WDR75: variants seen among roughly 807,000 people sequenced by gnomAD.
The protein encoded by WDR75 is WD repeat-containing protein 75.
In WDR75, 52 loss-of-function variants were observed where a neutral mutation model predicts 106.1. The observed-to-expected ratio is 0.49, with a 90% CI of 0.39 to 0.62. WDR75 has a LOEUF of 0.62. Ranked by LOEUF, WDR75 falls within the 20% of genes least tolerant of loss-of-function variation. The pLI is 0.00. For synonymous variants in WDR75, 333 were observed against 335.5 expected (o/e 0.99, Z 0.08); for missense variants, 905 against 970.3 (o/e 0.93, Z 0.89).
chr2:189,472,413 A>G (rs889734613), intron 18 of WDR75, among the ~76,000 whole-genome samples: 2 of 152,160 alleles, frequency 1.3e-5, no homozygotes, highest in Non-Finnish European at 2.9e-5. Context: ...TTCTTTCTCT[A>G]TTCTTTTTCT....
chr2:189,448,153 T>A (rs10205215), intron 1 of WDR75, among the ~76,000 whole-genome samples: 5,352 of 152,238 alleles, frequency 0.035, 109 homozygotes, highest in Admixed American at 0.05. Context: ...TTCTTTCCTT[T>A]ATAAATTTGA....
chr2:189,445,577 T>A (rs1282013724), intron 1 of WDR75, among the ~76,000 whole-genome samples: 2 of 152,186 alleles, frequency 1.3e-5, no homozygotes, highest in Non-Finnish European at 2.9e-5. Flanking sequence ...ATATGACAAC[T>A]AAGGTGGTAT....
At chr2:189,447,865 T>C in intron 1 of WDR75, among the ~76,000 whole-genome samples, 1 of 152,212 alleles carries the variant, frequency 6.6e-6, no homozygotes, top group Admixed American at 6.5e-5. Context: ...GTATGTGATA[T>C]GGTTTGGCTG....
chr2:189,469,539 T>C (rs1408234812), intron 16 of WDR75, 100 bp downstream of exon 16: 1 of 970,072 alleles, frequency 1.0e-6, no homozygotes, highest in Non-Finnish European at 1.6e-6. Context: ...AGATGTTAAT[T>C]GGAAGCCATT....
rs1687023571 is a variant in WDR75 at position 189,467,318 on chromosome 2, C to CTG, written c.1448-148_1448-147dup. 9.9e-6 allele frequency: 6 copies of CTG among 604,454 alleles called. No individual in the cohort carries two copies. In the South Asian group the frequency reaches 1.9e-4, roughly 19 times the overall value. The allele number at this position is 604,454 out of a possible 1,614,324, so 37.4% of individuals were successfully genotyped here. A position where few individuals can be genotyped will look rare whatever the true frequency, so the allele number is the denominator to read the frequency against. On this transcript the variant is annotated intron_variant, in intron 13 of 20. Transcript: ENST00000314761. Reference sequence around the variant, plus strand: ...CTCTCTTTCAAAATATCTTTTTGTACTGTACACAGCTATTTTCAGACCTCA... The same window carrying CTG: ...CTCTCTTTCAAAATATCTTTTTGTACTGTGTACACAGCTATTTTCAGACCTCA...
Position 189,463,712 on chromosome 2 carries a change from G to A in WDR75, c.956G>A (p.Arg319Gln), listed in dbSNP as rs144965982. The stretch of plus-strand genomic sequence containing the variant: ...CCCACAGAGATAATAATTATTCACC[G>A]AAACCTTGAAGCATCCGCAGTAATT... ...HSDNKIIIIH[R>Q]NLEASAVIQG... Residue 319 changes from arginine to glutamine, a missense_variant, in exon 10 of 21, where the codon CGA (arginine) becomes CAA (glutamine). Arg to Gln is a conservative substitution (Grantham distance 43, BLOSUM62 1). Transcript: ENST00000314761. 4.8e-5 allele frequency: 77 copies of A among 1,613,402 alleles called. No individual in the cohort carries two copies. The highest frequency in any genetic ancestry group is 5.6e-5 in the Non-Finnish European group (66 of 1,179,724).
intron 8 of WDR75, 54 bp downstream of exon 8, chr2:189,459,478 T>C: frequency 6.8e-7 from 1 of 1,473,774 alleles, no homozygotes; most frequent in Non-Finnish European, 9.4e-7. Flanking sequence ...ATTCAAGTGT[T>C]TTAATTCACT....
At position 189,449,498 on chromosome 2, in the gene WDR75, A is replaced by G. The variant is rs902936809; in HGVS notation, c.216+990A>G. 8 of 1,099,342 alleles carry G rather than the reference A, an allele frequency of 7.3e-6. No individual in the cohort carries two copies. The Admixed American group carries it at 1.7e-4, about 23-fold the overall frequency. 68.1% of individuals were successfully genotyped at this position (1,099,342 alleles called of 1,614,324 possible). ...TAATAGCAAAACTATTATTTTGTTA[A>G]AATTGAAATTTGTGAAGTCCATATA... On this transcript the variant is annotated intron_variant, in intron 2 of 20. Transcript: ENST00000314761.
chr2:189,445,776 T>A (rs1437846066), intron 1 of WDR75, among the ~76,000 whole-genome samples: 1 of 152,226 alleles, frequency 6.6e-6, no homozygotes, highest in Non-Finnish European at 1.5e-5. Context: ...GTAATTCTTC[T>A]GTAAATCTAA....
chr2:189,452,438 T>C (rs1005188671), intron 4 of WDR75, among the ~76,000 whole-genome samples: 1 of 151,954 alleles, frequency 6.6e-6, no homozygotes, highest in Non-Finnish European at 1.5e-5. Context: ...GGCAGGCACC[T>C]GTAGTCCCAG....
At chr2:189,472,991 G>A (rs771081742) in intron 18 of WDR75, among the ~76,000 whole-genome samples, 2 of 152,194 alleles carry the variant, frequency 1.3e-5, no homozygotes, top group Non-Finnish European at 2.9e-5. Context: ...GCCAAGGCAG[G>A]TAGATCACTT....
In WDR75 at chr2:189,467,581, G is replaced by C; in HGVS notation, c.1561G>C (p.Val521Leu). The change falls in exon 14 of 21, where the codon GTC (valine) becomes CTC (leucine). Residue 521 changes from valine to leucine, a missense_variant. By Grantham distance (32) the Val-to-Leu change is conservative (BLOSUM62 1). Coordinates refer to ENST00000314761, the MANE Select transcript of WDR75 (RefSeq NM_032168.3). ...ACTAGCAGTTAGTTTTGAGGAAATAGTCACAATATGGGATTCTGTAACATG... is the reference window on the plus strand; with the variant it reads ...ACTAGCAGTTAGTTTTGAGGAAATACTCACAATATGGGATTCTGTAACATG... The part of the protein sequence containing the change: ...SLLAVSFEEI[V>L]TIWDSVTWEL... 6.2e-7 allele frequency: 1 copy of C among 1,611,782 alleles called. No individual in the cohort carries two copies. The highest frequency in any genetic ancestry group is 8.5e-7 in the Non-Finnish European group (1 of 1,178,796).
At chr2:189,465,301 C>A in intron 12 of WDR75, 47 bp downstream of exon 12, 1 of 1,513,336 alleles carries the variant, frequency 6.6e-7, no homozygotes, top group Non-Finnish European at 8.9e-7. Context: ...TAAAATATTT[C>A]ACTTCCCATT....
chr2:189,471,548 T>C (rs1434218047), intron 18 of WDR75, among the ~76,000 whole-genome samples: 1 of 152,232 alleles, frequency 6.6e-6, no homozygotes, highest in Non-Finnish European at 1.5e-5. Context: ...TAGTTTTCTA[T>C]TCTCATGTAA....
chr2:189,466,295 T>C (rs879222100), intron 12 of WDR75, 130 bp from the exon 13 acceptor site: 4 of 1,004,670 alleles, frequency 4.0e-6, no homozygotes, highest in Admixed American at 4.5e-5. Context: ...CTCAATTGTT[T>C]GTCATTCTAC....
Position 189,455,376 on chromosome 2 carries a change from G to GC in WDR75, c.432dup (p.Lys145GlnfsTer55). On this transcript the variant is annotated frameshift_variant, in exon 5 of 21. Coordinates refer to ENST00000314761, the MANE Select transcript of WDR75 (RefSeq NM_032168.3). LOFTEE classifies it high-confidence loss of function. ...AAAATCCTCAAGCCAGGAAGTAGAAGCCAAGGAGCTGTCCTTTGTTTTGGA... is the reference window on the plus strand; with the variant it reads ...AAAATCCTCAAGCCAGGAAGTAGAAGCCCAAGGAGCTGTCCTTTGTTTTGGA... 3 of 1,614,158 alleles carry GC rather than the reference G, an allele frequency of 1.9e-6. No individual in the cohort carries two copies. The highest frequency in any genetic ancestry group is 2.5e-6 in the Non-Finnish European group (3 of 1,179,986).
chr2:189,461,384 T>C (rs6755665), intron 8 of WDR75, among the ~76,000 whole-genome samples: 9,840 of 152,246 alleles, frequency 0.065, 482 homozygotes, highest in African/African-American at 0.14. Flanking sequence ...GTTGCTATAT[T>C]TGAGGAGAAT....
Position 189,474,322 on chromosome 2 carries a change from C to T in WDR75, c.2186C>T (p.Ala729Val), listed in dbSNP as rs142416149. 595 of 1,607,842 alleles carry T rather than the reference C, an allele frequency of 3.7e-4. No individual in the cohort carries two copies. The highest frequency in any genetic ancestry group is 5.0e-4 in the Middle Eastern group (3 of 6,020). Reference protein sequence around the residue: ...VQLPLTENIPAISELLHTPAH... With the variant: ...VQLPLTENIPVISELLHTPAH... ...CTACCCTTAACAGAAAACATACCCG[C>T]AATTAGTGAGGTAAGTAATTATGAA... The change falls in exon 19 of 21, where the codon GCA becomes GTA. Residue 729 changes from alanine to valine, a missense_variant. Transcript: ENST00000314761.
chr2:189,462,213 T>C (rs1360026662), intron 8 of WDR75, among the ~76,000 whole-genome samples: 1 of 152,062 alleles, frequency 6.6e-6, no homozygotes, highest in East Asian at 1.9e-4. Context: ...GAAGCTATCT[T>C]GGCCTAAAGG....
Sources: gnomAD v4.1 joint callset for allele counts (sites outside exome capture counted in the v4.1 genomes callset) on GRCh38, gnomAD v4.1.1 for gene constraint, MANE v1.5 for transcripts, NCBI Gene and HGNC (gene_info 2026-07-23, HGNC 2026-07-21) for gene names.